SHQ1: variants seen among roughly 807,000 people sequenced by gnomAD.
SHQ1 encodes protein SHQ1 homolog.
In SHQ1, 49 loss-of-function variants were observed where a neutral mutation model predicts 53.8. The ratio of observed to expected loss-of-function variants is 0.91; its 90% confidence interval spans 0.72 to 1.16. The LOEUF (loss-of-function observed/expected upper bound fraction) is 1.16, where lower values mean the gene tolerates loss of function less well. Ranked by LOEUF, SHQ1 falls within the 50% of genes most tolerant of loss-of-function variation. SHQ1 has a pLI of 0.00. For synonymous variants in SHQ1, 243 were observed against 251.0 expected (o/e 0.97, Z 0.30); for missense variants, 738 against 683.1 (o/e 1.08, Z -0.90).
chr3:72,730,084 C>G, the SHQ1 span, among the ~76,000 whole-genome samples: 1 of 151,944 alleles, frequency 6.6e-6, no homozygotes, highest in East Asian at 1.9e-4. Context: ...TCCCAAAGTG[C>G]TGGAATTACA....
intron 1 of SHQ1, among the ~76,000 whole-genome samples, chr3:72,845,418 G>C (rs947661833): frequency 6.6e-6 from 1 of 151,982 alleles, no homozygotes; most frequent in Non-Finnish European, 1.5e-5. Flanking sequence ...AGGAAGGGGA[G>C]GTTGCAGTGA....
At chr3:72,837,272 A>G (rs1708031162) in intron 4 of SHQ1, among the ~76,000 whole-genome samples, 1 of 152,220 alleles carries the variant, frequency 6.6e-6, no homozygotes, top group Non-Finnish European at 1.5e-5. Context: ...GGAATGTTCA[A>G]AGAGAATTTG....
chr3:72,752,265 G>A (rs1428474858), intron 10 of SHQ1, among the ~76,000 whole-genome samples: 1 of 152,118 alleles, frequency 6.6e-6, no homozygotes, highest in Non-Finnish European at 1.5e-5. Flanking sequence ...TATCAAAACA[G>A]ATATTTCTAT....
chr3:72,765,557 A>ATATTTTTTTTT (rs1491527508), intron 10 of SHQ1, among the ~76,000 whole-genome samples: 2 of 57,184 alleles, frequency 3.5e-5, no homozygotes, highest in African/African-American at 1.6e-4. Context: ...ATATATATAT[A>ATATTTTTTTTT]TTTTTTTTTT....
At chr3:72,808,984 G>A (rs73093255) in intron 9 of SHQ1, among the ~76,000 whole-genome samples, 1,738 of 152,256 alleles carry the variant, frequency 0.011, 20 homozygotes, top group Non-Finnish European at 0.017. Flanking sequence ...GGTGGTGTGG[G>A]TGCAGGAAGG....
intron 8 of SHQ1, among the ~76,000 whole-genome samples, chr3:72,813,833 T>TC (rs1707213521): frequency 6.8e-6 from 1 of 147,178 alleles, no homozygotes; most frequent in African/African-American, 2.5e-5. Context: ...TCTTTTTCTT[T>TC]TTTTTTTTTT....
Position 72,750,218 on chromosome 3 carries a change from A to T in SHQ1, c.*66T>A. 1 of 1,311,866 alleles carries T rather than the reference A, an allele frequency of 7.6e-7. No individual in the cohort carries two copies. Among genetic ancestry groups the T allele is most frequent in the Non-Finnish European group, 1.1e-6 (1 of 945,994 alleles). The allele number at this position is 1,311,866 out of a possible 1,614,324, so 81.3% of individuals were successfully genotyped here. A position where few individuals can be genotyped will look rare whatever the true frequency, so the allele number is the denominator to read the frequency against. ...AAAAATTACAAAGTGAAAATGAAGA[A>T]TTCTCATTCGGTAAATGAAACCCAA... On this transcript the variant is annotated 3_prime_UTR_variant, in exon 11 of 11. Coordinates refer to ENST00000325599, the MANE Select transcript of SHQ1 (RefSeq NM_018130.3).
intron 1 of SHQ1, among the ~76,000 whole-genome samples, chr3:72,847,223 G>A (rs1054111427): frequency 7.2e-5 from 11 of 152,212 alleles, no homozygotes; most frequent in African/African-American, 2.7e-4. Flanking sequence ...TGGTCTAAGG[G>A]AAATCTGAGC....
At chr3:72,817,777 C>A (rs1575719537) in intron 6 of SHQ1, among the ~76,000 whole-genome samples, 1 of 152,048 alleles carries the variant, frequency 6.6e-6, no homozygotes, top group East Asian at 1.9e-4. Context: ...AGTTCTATAC[C>A]AAGAAATAGG....
At chr3:72,847,403 G>A (rs1275621377) in intron 1 of SHQ1, among the ~76,000 whole-genome samples, 1 of 152,162 alleles carries the variant, frequency 6.6e-6, no homozygotes, top group East Asian at 1.9e-4. Flanking sequence ...ATATGTAGCA[G>A]CGGGTTCTGT....
At chr3:72,763,541 A>C (rs1705654042) in intron 10 of SHQ1, among the ~76,000 whole-genome samples, 1 of 152,206 alleles carries the variant, frequency 6.6e-6, no homozygotes, top group South Asian at 2.1e-4. Flanking sequence ...GGAAGCTGTG[A>C]ATGTCACCTG....
At chr3:72,745,700 C>G (rs995242081), downstream of SHQ1, among the ~76,000 whole-genome samples, 1 of 152,126 alleles carries the variant, frequency 6.6e-6, no homozygotes, top group African/African-American at 2.4e-5. Flanking sequence ...TAAACCCTTA[C>G]GTTGGTTTAA....
intron 9 of SHQ1, among the ~76,000 whole-genome samples, chr3:72,799,380 T>C (rs890343654): frequency 1.3e-5 from 2 of 152,132 alleles, no homozygotes; most frequent in Non-Finnish European, 1.5e-5. Flanking sequence ...AAAACAGATA[T>C]GAAGTATTTT....
At chr3:72,726,094 C>G in the SHQ1 span, among the ~76,000 whole-genome samples, 2 of 152,092 alleles carry the variant, frequency 1.3e-5, no homozygotes, top group African/African-American at 4.8e-5. Context: ...ACATTAAGAT[C>G]CAGTCTCTAC....
At position 72,763,054 on chromosome 3, in the gene SHQ1, CACACACACAGAG is replaced by C. The variant is rs1239841907; in HGVS notation, c.1182-12230_1182-12219del. Among the ~76,000 whole-genome samples the C allele has an allele frequency of 2.4e-3, 327 of 138,054 alleles. 2 individuals are homozygous for C. Among genetic ancestry groups the C allele is most frequent in the African/African-American group, 9.5e-3 (304 of 32,130 alleles). 90.6% of individuals were successfully genotyped at this position (138,054 alleles called of 152,430 possible). ...ACACACACACACACACACACACACA[CACACACACAGAG>C]AGAGAGAGAGAGAGAGAGAGAAATG... On this transcript the variant is annotated intron_variant, in intron 10 of 10. Coordinates refer to ENST00000325599, the MANE Select transcript of SHQ1 (RefSeq NM_018130.3).
At chr3:72,726,389 C>T in the SHQ1 span, among the ~76,000 whole-genome samples, 2 of 151,992 alleles carry the variant, frequency 1.3e-5, no homozygotes, top group Admixed American at 6.6e-5. Flanking sequence ...CCAGCTCTGT[C>T]GCCCAGGTTG....
At chr3:72,789,724 A>G (rs953964377) in intron 10 of SHQ1, among the ~76,000 whole-genome samples, 1 of 152,206 alleles carries the variant, frequency 6.6e-6, no homozygotes, top group African/African-American at 2.4e-5. Context: ...AGACCTTAGC[A>G]TTTTAGAGGG....
the SHQ1 span, among the ~76,000 whole-genome samples, chr3:72,742,619 C>CTTTTTTTTTTTT: frequency 1.5e-4 from 19 of 128,606 alleles, no homozygotes; most frequent in Non-Finnish European, 2.4e-4. Flanking sequence ...TTCTTTTTTT[C>CTTTTTTTTTTTT]TTTTTTTTTT....
At chr3:72,841,830 T>C (rs1708186265) in intron 3 of SHQ1, among the ~76,000 whole-genome samples, 1 of 152,174 alleles carries the variant, frequency 6.6e-6, no homozygotes, top group South Asian at 2.1e-4. Context: ...TCACAGTAAG[T>C]TCATGCTCCT....
Sources: allele counts gnomAD v4.1 joint callset (sites outside exome capture counted in the v4.1 genomes callset), GRCh38; gene constraint gnomAD v4.1.1; transcripts MANE v1.5; gene names NCBI Gene and HGNC (gene_info 2026-07-23, HGNC 2026-07-21).